Variants in FTO observed in about 807,000 individuals in gnomAD.
FTO encodes FTO alpha-ketoglutarate dependent dioxygenase, also known as alpha-ketoglutarate-dependent dioxygenase FTO.
A neutral mutation model predicts 63.9 loss-of-function variants in FTO; 47 were observed. The ratio of observed to expected loss-of-function variants is 0.74; its 90% CI spans 0.58 to 0.94. FTO has a LOEUF of 0.94. Among genes scored for constraint, FTO ranks in the 40% least tolerant of loss-of-function variants. The pLI is 0.00. For synonymous variants in FTO, 207 were observed against 224.4 expected (o/e 0.92, Z 0.69); for missense variants, 562 against 618.1 (o/e 0.91, Z 0.96).
intron 8 of FTO, chr16:53,981,944 G>T (rs1195617317): frequency 2.6e-5 from 4 of 151,932 alleles, no homozygotes; most frequent in African/African-American, 9.7e-5. Flanking sequence ...GCTGGGCATG[G>T]TGGCATATGC....
rs74019532 is a variant in FTO, at chr16:54,014,244, A to G, written c.1364+80135A>G. ...ATCTCATATTGAAATTTGATCCCCA[A>G]TTTTAGAGGTAGGATATAGTGAGAG... On this transcript the variant is annotated intron_variant, in intron 8 of 8. Coordinates refer to ENST00000471389, the MANE Select transcript of FTO (RefSeq NM_001080432.3). Among the ~76,000 whole-genome samples the G allele has an allele frequency of 9.7e-3, 1,476 of 152,192 alleles. 21 individuals carry two copies. Among genetic ancestry groups the G allele is most frequent in the African/African-American group, 0.034 (1,397 of 41,504 alleles).
At chr16:53,957,019 G>A (rs1441948338) in intron 8 of FTO, among the ~76,000 whole-genome samples, 1 of 152,158 alleles carries the variant, frequency 6.6e-6, no homozygotes, top group African/African-American at 2.4e-5. Context: ...TCTATAATAT[G>A]TAGATGTTTG....
At chr16:53,860,246 C>T (rs751837444) in intron 4 of FTO, among the ~76,000 whole-genome samples, 137 of 152,146 alleles carry the variant, frequency 9.0e-4, no homozygotes, top group Non-Finnish European at 2.8e-4. Flanking sequence ...CATGATCTTA[C>T]TTATATGTGG....
chr16:53,823,633 T>G (rs1486866820), intron 2 of FTO, among the ~76,000 whole-genome samples: 1 of 152,170 alleles, frequency 6.6e-6, no homozygotes, highest in Admixed American at 6.5e-5. Flanking sequence ...TTTCACAGAA[T>G]AGTAAATTGT....
intron 3 of FTO, among the ~76,000 whole-genome samples, chr16:53,834,840 T>C (rs570443166): frequency 5.3e-5 from 8 of 152,206 alleles, no homozygotes; most frequent in Non-Finnish European, 1.2e-4. Context: ...ATTGGCTTCC[T>C]GATATGGAAG....
chr16:53,870,585 A>G (rs2080466410), intron 4 of FTO, among the ~76,000 whole-genome samples: 1 of 152,224 alleles, frequency 6.6e-6, no homozygotes, highest in Non-Finnish European at 1.5e-5. Context: ...TCTTGGTTTT[A>G]TAATATCTTT....
chr16:53,717,587 G>C (rs959025250), intron 1 of FTO, among the ~76,000 whole-genome samples: 4 of 151,846 alleles, frequency 2.6e-5, no homozygotes, highest in Non-Finnish European at 5.9e-5. Flanking sequence ...TTATATTTTT[G>C]TTATTCAAAA....
chr16:53,754,165 T>C (rs2076864291), intron 1 of FTO, among the ~76,000 whole-genome samples: 1 of 152,176 alleles, frequency 6.6e-6, no homozygotes, highest in African/African-American at 2.4e-5. Context: ...ATTTGTACTG[T>C]TAAAGCTGTC....
At chr16:53,968,065 AAT>A (rs1337653863) in intron 8 of FTO, among the ~76,000 whole-genome samples, 1 of 152,208 alleles carries the variant, frequency 6.6e-6, no homozygotes, top group Non-Finnish European at 1.5e-5. Context: ...ATATAAAAGA[AAT>A]TCACCATATA....
chr16:54,018,410 A>ATAGATAGATAGATAGATAGATAGATAGT (rs1390829658), intron 8 of FTO, among the ~76,000 whole-genome samples: 5 of 134,330 alleles, frequency 3.7e-5, no homozygotes, highest in South Asian at 2.3e-4. Context: ...AGATAGATAG[A>ATAGATAGATAGATAGATAGATAGATAGT]TACATACATA....
chr16:54,120,036 T>C lies in FTO; in HGVS notation c.*8121T>C, dbSNP rs1401077673. On this transcript the variant is annotated 3_prime_UTR_variant, in exon 9 of 9. Transcript: ENST00000471389. ...TTCTTTGTGCCCATTAAGTGAGCTG[T>C]GCGTGCAGAATGGGAGAGGCATCCC... The C allele has an allele frequency of 6.6e-6, 1 of 152,242 alleles. No homozygotes were observed. Among genetic ancestry groups the C allele is most frequent in the Non-Finnish European group, 1.5e-5 (1 of 68,044 alleles). The allele number at this position is 152,242 out of a possible 1,614,324, so 9.4% of individuals were successfully genotyped here.
intron 8 of FTO, chr16:54,063,749 T>C (rs1175381980): frequency 6.6e-6 from 1 of 151,310 alleles, no homozygotes; most frequent in Non-Finnish European, 1.5e-5. Flanking sequence ...TGCGTAGCTA[T>C]ATCGGGGATC....
Position 54,091,219 on chromosome 16 carries a change from GA to G in FTO, c.1365-20540del, listed in dbSNP as rs370632973. ...GCAAAATCCTCATGAAACATTATAG[GA>G]AACCAACAGATAATATCTAAAATTA... is the stretch of plus-strand genomic sequence containing the variant. On this transcript the variant is annotated intron_variant, in intron 8 of 8. Transcript: ENST00000471389. Among the ~76,000 whole-genome samples, 464 of 152,294 alleles carry G rather than the reference GA, an allele frequency of 3.0e-3. 3 individuals carry two copies. Among genetic ancestry groups the G allele is most frequent in the Non-Finnish European group, 5.6e-3 (383 of 68,036 alleles).
At chr16:53,786,228 A>C (rs2077736113) in intron 1 of FTO, among the ~76,000 whole-genome samples, 1 of 152,160 alleles carries the variant, frequency 6.6e-6, no homozygotes, top group Admixed American at 6.5e-5. Context: ...CTTTCTTTAA[A>C]AGCATTTGTT....
At chr16:53,711,157 C>CTGTA (rs1474708953) in intron 1 of FTO, among the ~76,000 whole-genome samples, 1 of 151,674 alleles carries the variant, frequency 6.6e-6, no homozygotes, top group East Asian at 1.9e-4. Flanking sequence ...GATATATATT[C>CTGTA]TGTATGTATA....
At chr16:53,885,543 G>A (rs2151901113) in intron 6 of FTO, among the ~76,000 whole-genome samples, 1 of 152,264 alleles carries the variant, frequency 6.6e-6, no homozygotes, top group East Asian at 1.9e-4. Flanking sequence ...GAATTGACAA[G>A]GACATTAAAA....
intron 1 of FTO, among the ~76,000 whole-genome samples, chr16:53,781,875 G>C (rs1470551251): frequency 6.6e-6 from 1 of 152,084 alleles, no homozygotes; most frequent in Non-Finnish European, 1.5e-5. Context: ...GGCACATCAG[G>C]GTTCAGATTT....
chr16:53,951,646 T>G (rs1051898939), intron 8 of FTO, among the ~76,000 whole-genome samples: 1 of 151,864 alleles, frequency 6.6e-6, no homozygotes, highest in African/African-American at 2.4e-5. Flanking sequence ...TTTGAAATCA[T>G]GCACTCTATT....
intron 1 of FTO, among the ~76,000 whole-genome samples, chr16:53,735,795 A>T (rs984133984): frequency 6.6e-6 from 1 of 152,188 alleles, no homozygotes; most frequent in African/African-American, 2.4e-5. Context: ...CCATCAGTTC[A>T]TATTTCTACT....
Sources: gnomAD v4.1 joint callset for allele counts (sites outside exome capture counted in the v4.1 genomes callset) on GRCh38, gnomAD v4.1.1 for gene constraint, MANE v1.5 for transcripts, NCBI Gene and HGNC (gene_info 2026-07-23, HGNC 2026-07-21) for gene names.